FOXO3: variants seen among roughly 807,000 people sequenced by gnomAD.
FOXO3 encodes forkhead box protein O3.
Under a neutral mutation model 41.9 loss-of-function variants are expected in FOXO3, and 4 were observed. The observed-to-expected ratio is 0.10, with a 90% CI of 0.05 to 0.22. The LOEUF is 0.22. Among genes scored for constraint, FOXO3 ranks in the 10% least tolerant of loss-of-function variants. The probability of loss-of-function intolerance (pLI) is 1.00; values close to 1 mark genes in which losing one functional copy is unlikely to be tolerated. For synonymous variants in FOXO3, 318 were observed against 389.3 expected, an observed-to-expected ratio of 0.82 and a Z score of 2.16; for missense variants, 534 against 906.8, an observed-to-expected ratio of 0.59 and a Z score of 5.28.
Position 108,664,530 on chromosome 6 carries a change from G to C in FOXO3, c.1697G>C (p.Gly566Ala), listed in dbSNP as rs199697163. Residue 566 changes from glycine to alanine, a missense_variant, in exon 2 of 3, where the codon GGG (glycine) becomes GCG (alanine). Around this residue, in one of 8 missense-constraint regions of FOXO3, gnomAD observed 94 missense variants for 214.4 expected, o/e 0.44. Transcript: ENST00000406360. ...NMGLSESSSLGSAKHQQQSPV... is the reference protein window; with the variant it reads ...NMGLSESSSLASAKHQQQSPV... ...GGCTTGAGTGAGTCCAGCAGCCTTGGGTCAGCCAAACACCAGCAGCAGTCT... is the reference window on the plus strand; with the variant it reads ...GGCTTGAGTGAGTCCAGCAGCCTTGCGTCAGCCAAACACCAGCAGCAGTCT... 7.4e-4 allele frequency: 913 copies of C among 1,227,644 alleles called. 16 individuals are homozygous for C. The East Asian group carries it at 0.014, about 19-fold the overall frequency. The allele number at this position is 1,227,644 out of a possible 1,614,324, so 76.0% of individuals were successfully genotyped here. A position where few individuals can be genotyped will look rare whatever the true frequency, so the allele number is the denominator to read the frequency against.
In FOXO3 at chr6:108,664,015, C is replaced by G. The variant is rs1203032177; in HGVS notation, c.1182C>G (p.Ile394Met). Residue 394 changes from isoleucine to methionine, a missense_variant, in exon 2 of 3, where the codon ATC (isoleucine) becomes ATG (methionine). Around this residue, in one of 8 missense-constraint regions of FOXO3, gnomAD observed 185 missense variants for 224.9 expected, o/e 0.82. Coordinates refer to ENST00000406360, the MANE Select transcript of FOXO3 (RefSeq NM_001455.4). ...ENLMDDLLDN[I>M]TLPPSQPSPT... is the part of the protein sequence containing the mutation. ...TCATGGACGACCTGCTGGATAACATCACGCTCCCGCCATCCCAGCCATCGC... is the reference window on the plus strand; with the variant it reads ...TCATGGACGACCTGCTGGATAACATGACGCTCCCGCCATCCCAGCCATCGC... The G allele has an allele frequency of 6.2e-7, 1 of 1,614,142 alleles. No individual in the cohort carries two copies. The highest frequency in any genetic ancestry group is 1.7e-5 in the Admixed American group (1 of 60,032).
At chr6:108,577,666 G>A (rs890475041) in intron 1 of FOXO3, among the ~76,000 whole-genome samples, 3 of 152,168 alleles carry the variant, frequency 2.0e-5, no homozygotes, top group African/African-American at 7.2e-5. Flanking sequence ...TGGTGATAAT[G>A]TATAGCCAGG....
At chr6:108,601,744 A>C (rs1422122688) in intron 1 of FOXO3, among the ~76,000 whole-genome samples, 1 of 152,220 alleles carries the variant, frequency 6.6e-6, no homozygotes, top group Non-Finnish European at 1.5e-5. Context: ...TATATCATAC[A>C]GTATATGGAT....
At chr6:108,658,041 A>G (rs1778739838) in intron 1 of FOXO3, among the ~76,000 whole-genome samples, 1 of 152,026 alleles carries the variant, frequency 6.6e-6, no homozygotes. Context: ...CTGACTGTGG[A>G]GTGGAGTATG....
At chr6:108,628,756 A>C (rs1000377299) in intron 1 of FOXO3, among the ~76,000 whole-genome samples, 1 of 152,114 alleles carries the variant, frequency 6.6e-6, no homozygotes, top group African/African-American at 2.4e-5. Flanking sequence ...ACAGTACTCT[A>C]CCCTGGGATA....
intron 1 of FOXO3, among the ~76,000 whole-genome samples, chr6:108,635,199 G>C (rs531258611): frequency 2.0e-5 from 3 of 152,028 alleles, no homozygotes; most frequent in Non-Finnish European, 4.4e-5. Flanking sequence ...TACTTGGAAG[G>C]CTGAGGCATG....
intron 1 of FOXO3, among the ~76,000 whole-genome samples, chr6:108,579,130 T>TAAAAC (rs150006609): frequency 3.3e-5 from 5 of 152,172 alleles, no homozygotes; most frequent in African/African-American, 7.2e-5. Flanking sequence ...TCATAAACAC[T>TAAAAC]AAAACAAAAC....
chr6:108,649,356 C>T (rs930868410), intron 1 of FOXO3, among the ~76,000 whole-genome samples: 1 of 152,016 alleles, frequency 6.6e-6, no homozygotes, highest in Non-Finnish European at 1.5e-5. Context: ...GAAAGATAGT[C>T]CTACCTTGAA....
intron 1 of FOXO3, among the ~76,000 whole-genome samples, chr6:108,653,737 G>A (rs970018644): frequency 2.0e-5 from 3 of 152,142 alleles, no homozygotes; most frequent in East Asian, 1.9e-4. Context: ...CCTTTTATTC[G>A]ATTTCCACAC....
intron 1 of FOXO3, among the ~76,000 whole-genome samples, chr6:108,635,736 G>A (rs1376126496): frequency 6.6e-6 from 1 of 152,162 alleles, no homozygotes; most frequent in Non-Finnish European, 1.5e-5. Flanking sequence ...GGAAGCCCTC[G>A]TGGTTAGTAG....
chr6:108,577,260 C>T (rs75158296), intron 1 of FOXO3, among the ~76,000 whole-genome samples: 2,435 of 152,144 alleles, frequency 0.016, 66 homozygotes, highest in African/African-American at 0.056. Flanking sequence ...TGGACTGTTA[C>T]CAAGTCTTTG....
chr6:108,645,026 A>T (rs766452908), intron 1 of FOXO3, among the ~76,000 whole-genome samples: 13 of 152,182 alleles, frequency 8.5e-5, no homozygotes, highest in Non-Finnish European at 1.8e-4. Flanking sequence ...TACCAATTTG[A>T]ATGACTGAAC....
rs78114635 is a variant in FOXO3 at position 108,584,657 on chromosome 6, A to G, written c.621+22828A>G. Among the ~76,000 whole-genome samples, 59 of 152,298 alleles carry G rather than the reference A, an allele frequency of 3.9e-4. 1 individual carries two copies. The East Asian group carries it at 0.011, about 29-fold the overall frequency. On this transcript the variant is annotated intron_variant, in intron 1 of 2. Transcript: ENST00000406360. ...TGTGTGGCACTTATGTAGTATTTTGATGATTTCACCTAGAATCTTGCCATC... is the reference window on the plus strand; with the variant it reads ...TGTGTGGCACTTATGTAGTATTTTGGTGATTTCACCTAGAATCTTGCCATC...
intron 1 of FOXO3, among the ~76,000 whole-genome samples, chr6:108,615,294 C>CT (rs1328928749): frequency 3.9e-5 from 6 of 152,052 alleles, no homozygotes; most frequent in African/African-American, 1.4e-4. Context: ...TGTACCACTG[C>CT]TGGCATTGAT....
At chr6:108,576,581 C>A (rs1776267339) in intron 1 of FOXO3, among the ~76,000 whole-genome samples, 1 of 152,266 alleles carries the variant, frequency 6.6e-6, no homozygotes, top group South Asian at 2.1e-4. Context: ...ATGTTTCAAT[C>A]AAAAATTACA....
At chr6:108,579,608 T>C (rs1776353334) in intron 1 of FOXO3, among the ~76,000 whole-genome samples, 1 of 152,166 alleles carries the variant, frequency 6.6e-6, no homozygotes, top group Admixed American at 6.5e-5. Context: ...GTGAAATGTG[T>C]CAACACACGT....
At chr6:108,638,719 T>C (rs1031074548) in intron 1 of FOXO3, among the ~76,000 whole-genome samples, 1 of 152,202 alleles carries the variant, frequency 6.6e-6, no homozygotes, top group African/African-American at 2.4e-5. Flanking sequence ...TTTGCTTTTT[T>C]ACCTTGCAGT....
chr6:108,647,129 A>G (rs1778415797), intron 1 of FOXO3, among the ~76,000 whole-genome samples: 1 of 152,248 alleles, frequency 6.6e-6, no homozygotes, highest in South Asian at 2.1e-4. Flanking sequence ...TAAACCTCAT[A>G]TATGAATTTA....
At chr6:108,666,334 TTTTC>T (rs1176915776) in intron 2 of FOXO3, among the ~76,000 whole-genome samples, 1 of 150,376 alleles carries the variant, frequency 6.6e-6, no homozygotes, top group Admixed American at 6.6e-5. Flanking sequence ...TTTTTTTTCT[TTTTC>T]TTTTTCTTTT....
Sources: allele counts gnomAD v4.1 joint callset (sites outside exome capture counted in the v4.1 genomes callset), GRCh38; gene constraint gnomAD v4.1.1; regional missense constraint gnomAD v4.1.1; transcripts MANE v1.5; gene names NCBI Gene and HGNC (gene_info 2026-07-23, HGNC 2026-07-21).